CRLF2: variants seen among roughly 807,000 people sequenced by gnomAD.
The protein encoded by CRLF2 is cytokine receptor like factor 2, also known as cytokine receptor-like factor 2.
A neutral mutation model predicts 38.7 loss-of-function variants in CRLF2; 41 were observed. The ratio of observed to expected loss-of-function variants is 1.06; its 90% CI spans 0.83 to 1.37. The LOEUF is 1.37. Ranked by LOEUF, CRLF2 falls within the 40% of genes most tolerant of loss-of-function variation. The pLI is 0.00. For synonymous variants in CRLF2, 140 were observed against 128.8 expected, an observed-to-expected ratio of 1.09 and a Z score of -0.59; for missense variants, 377 against 322.2, an observed-to-expected ratio of 1.17 and a Z score of -1.30.
At chrX:1,193,378 C>A (rs2086426970) in intron 6 of CRLF2, 76 bp from the exon 7 acceptor site, 1 of 398,340 alleles carries the variant, frequency 2.5e-6, no homozygotes, top group Non-Finnish European at 4.4e-6. Context: ...ACCTACAGGG[C>A]ATGGACCCCA....
At chrX:1,193,374 A>G in intron 6 of CRLF2, 72 bp from the exon 7 acceptor site, 1 of 398,398 alleles carries the variant, frequency 2.5e-6, no homozygotes. Flanking sequence ...AAGCACCTAC[A>G]GGGCATGGAC....
At position 1,208,906 on chromosome X, in the gene CRLF2, C is replaced by T; in HGVS notation, c.82G>A (p.Glu28Lys). The change falls in exon 2 of 8, where the codon GAA becomes AAA. Residue 28 changes from glutamate (E) to lysine (K), a missense_variant and splice_region_variant. Glu to Lys is a moderately conservative substitution (Grantham distance 56, BLOSUM62 1). Transcript: ENST00000400841. ...WMALGQGGAA[E>K]GVQIQIIYFN... ...TAGATGATCTGAATCTGTACTCCTT[C>T]TGCTAGACACAGAGAGACGCATGAA... The T allele has an allele frequency of 6.4e-7, 1 of 1,563,810 alleles. No homozygotes were observed.
intron 2 of CRLF2, among the ~76,000 whole-genome samples, chrX:1,208,243 G>A (rs1343056215): frequency 6.6e-6 from 1 of 152,064 alleles, no homozygotes. Flanking sequence ...AAAACTCTCT[G>A]TTAATCTCCC....
chrX:1,199,516 G>C (rs1167188443), intron 4 of CRLF2, among the ~76,000 whole-genome samples: 1 of 151,974 alleles, frequency 6.6e-6, no homozygotes, highest in Non-Finnish European at 1.5e-5. Flanking sequence ...GGCCAGGCTG[G>C]TCTTGAACTC....
intron 1 of CRLF2, among the ~76,000 whole-genome samples, chrX:1,209,298 AG>A (rs1272740432): frequency 9.3e-5 from 6 of 64,176 alleles, no homozygotes; most frequent in African/African-American, 4.1e-4. Flanking sequence ...ATTGTATTGT[AG>A]TGTAGTGTAG....
At chrX:1,208,093 T>C (rs1420702841) in intron 2 of CRLF2, among the ~76,000 whole-genome samples, 1 of 151,982 alleles carries the variant, frequency 6.6e-6, no homozygotes, top group African/African-American at 2.4e-5. Context: ...AAAGTAAAAA[T>C]AAAAATAAAG....
Position 1,191,047 on chromosome X carries a change from C to T in CRLF2, c.966G>A (p.Glu322=). 1 of 398,672 alleles carries T rather than the reference C, an allele frequency of 2.5e-6. No individual in the cohort carries two copies. 24.7% of individuals were successfully genotyped at this position (398,672 alleles called of 1,614,324 possible). A position where few individuals can be genotyped will look rare whatever the true frequency, so the allele number is the denominator to read the frequency against. ...LVVQLAKTEA[E]SPRMLDPQTE... is the part of the protein sequence containing the mutation. The stretch of plus-strand genomic sequence containing the variant: ...TCTGTGGGTCCAGCATCCTGGGAGA[C>T]TCGGCTTCAGTCTTGGCCAACTGGA... The change falls in exon 8 of 8, where the codon GAG becomes GAA. Residue 322 remains glutamate (E), a synonymous_variant. Transcript: ENST00000400841.
At position 1,193,209 on chromosome X, in the gene CRLF2, G is replaced by A. The variant is rs1377720276; in HGVS notation, c.852+9C>T. The A allele has an allele frequency of 5.0e-6, 2 of 398,482 alleles. No individual in the cohort carries two copies. The highest frequency in any genetic ancestry group is 7.1e-5 in the East Asian group (2 of 28,042). 24.7% of individuals were successfully genotyped at this position (398,482 alleles called of 1,614,324 possible). A position where few individuals can be genotyped will look rare whatever the true frequency, so the allele number is the denominator to read the frequency against. On this transcript the variant is annotated intron_variant, in intron 7 of 7. Coordinates refer to ENST00000400841, the MANE Select transcript of CRLF2 (RefSeq NM_022148.4). ...GAGAGGAGAAGAGACACAAGGAGAG[G>A]GCGGATACCTGGAAGTTCCCTTGGT...
intron 4 of CRLF2, among the ~76,000 whole-genome samples, chrX:1,201,970 T>G (rs1233220316): frequency 6.8e-6 from 1 of 146,388 alleles, no homozygotes; most frequent in Non-Finnish European, 1.5e-5. Context: ...ATAAAATAGA[T>G]GATAGATTGA....
intron 4 of CRLF2, among the ~76,000 whole-genome samples, chrX:1,199,991 A>G (rs185643020): frequency 4.7e-4 from 71 of 151,304 alleles, no homozygotes; most frequent in Non-Finnish European, 8.7e-4. Context: ...ATACGTGTGT[A>G]TATATATGTG....
At chrX:1,198,175 TCCCACC>T (rs2147831731) in intron 5 of CRLF2, among the ~76,000 whole-genome samples, 1 of 123,638 alleles carries the variant, frequency 8.1e-6, no homozygotes, top group East Asian at 2.7e-4. Context: ...ACACCCTCCC[TCCCACC>T]TCCCAGGAAG....
intron 1 of CRLF2, among the ~76,000 whole-genome samples, chrX:1,210,140 A>G (rs2086772072): frequency 7.0e-6 from 1 of 142,780 alleles, no homozygotes; most frequent in Non-Finnish European, 1.5e-5. Context: ...AGAAAAGAAA[A>G]GAAAAGAAAT....
At chrX:1,192,216 A>AAG (rs2086396882) in intron 7 of CRLF2, among the ~76,000 whole-genome samples, 2 of 138,370 alleles carry the variant, frequency 1.4e-5, no homozygotes, top group East Asian at 2.5e-4. Context: ...AAAAAAAAAA[A>AAG]AAAACAAAAA....
At chrX:1,204,551 T>G (rs1432539501) in intron 3 of CRLF2, among the ~76,000 whole-genome samples, 1 of 149,362 alleles carries the variant, frequency 6.7e-6, no homozygotes, top group East Asian at 2.0e-4. Context: ...AATAATAAAT[T>G]TATAAATCGC....
chrX:1,203,119 A>AGG (rs2086637950), intron 3 of CRLF2, among the ~76,000 whole-genome samples: 2 of 134,098 alleles, frequency 1.5e-5, no homozygotes, highest in African/African-American at 5.2e-5. Flanking sequence ...AAAAAAAAAA[A>AGG]AAGGATCATT....
At chrX:1,205,412 G>A (rs749239870) in intron 3 of CRLF2, among the ~76,000 whole-genome samples, 1 of 152,222 alleles carries the variant, frequency 6.6e-6, no homozygotes, top group South Asian at 2.1e-4. Context: ...CCCGCGACTT[G>A]CGAGAGCTTG....
At chrX:1,199,400 G>A (rs1241917195) in intron 4 of CRLF2, among the ~76,000 whole-genome samples, 1 of 152,022 alleles carries the variant, frequency 6.6e-6, no homozygotes, top group Non-Finnish European at 1.5e-5. Flanking sequence ...TGCCTGTCGG[G>A]TTCAAGCAAT....
rs1320794846 is a variant in CRLF2 at position 1,197,684 on chromosome X, C to G, written c.647-784G>C. On this transcript the variant is annotated intron_variant, in intron 5 of 7. Transcript: ENST00000400841. ...CAAACATTAGGCGGGCTTGGTGGTG[C>G]GTGCCTGTAGTCCCAGCTACTTGGG... Among the ~76,000 whole-genome samples, 18 of 151,840 alleles carry G rather than the reference C, an allele frequency of 1.2e-4. 1 individual carries two copies. Among genetic ancestry groups the G allele is most frequent in the East Asian group, 1.2e-3 (6 of 5,152 alleles).
At chrX:1,197,512 C>A (rs1185276254) in intron 5 of CRLF2, among the ~76,000 whole-genome samples, 1 of 151,880 alleles carries the variant, frequency 6.6e-6, no homozygotes, top group Non-Finnish European at 1.5e-5. Flanking sequence ...TTAAATCATG[C>A]CCCCTGAAAA....
Sources: allele counts gnomAD v4.1 joint callset (sites outside exome capture counted in the v4.1 genomes callset), GRCh38; gene constraint gnomAD v4.1.1; transcripts MANE v1.5; gene names NCBI Gene and HGNC (gene_info 2026-07-23, HGNC 2026-07-21).